PRSS23: variants seen among roughly 807,000 people sequenced by gnomAD.
The protein encoded by PRSS23 is protease, serine 23.
A neutral mutation model predicts 34.7 loss-of-function variants in PRSS23; 25 were observed. The observed-to-expected ratio is 0.72, with a 90% confidence interval of 0.53 to 1.01. PRSS23 has a LOEUF of 1.01. Ranked by LOEUF, PRSS23 falls within the 50% of genes least tolerant of loss-of-function variation. The probability of loss-of-function intolerance (pLI) is 0.00; values close to 1 mark genes in which losing one functional copy is unlikely to be tolerated. For missense variants in PRSS23, 445 were observed against 475.6 expected (o/e 0.94, Z 0.60); for synonymous variants, 176 against 186.6 (o/e 0.94, Z 0.46).
intron 2 of PRSS23, chr11:86,837,582 C>T (rs964948754): frequency 2.0e-5 from 3 of 152,178 alleles, no homozygotes; most frequent in Non-Finnish European, 4.4e-5. Context: ...TCCTGGGCAA[C>T]ATGGTGAAAC....
At position 86,912,217 on chromosome 11, in the gene PRSS23, CATT is replaced by C. The variant is rs142777186; in HGVS notation, c.207-38998_207-38996del. Reference sequence around the variant, plus strand: ...TAGACATAACCATAGGCTTTGTTGTCATTGTTGTTACTGTTGTTTACTACTGAA... The same window carrying C: ...TAGACATAACCATAGGCTTTGTTGTCGTTGTTACTGTTGTTTACTACTGAA... On this transcript the variant is annotated intron_variant, in intron 2 of 2. Coordinates refer to the PRSS23 transcript ENST00000533902. 4.1e-4 allele frequency: 62 copies of C among 152,280 alleles called. 1 individual carries two copies. Among genetic ancestry groups the C allele is most frequent in the African/African-American group, 1.4e-3 (58 of 41,540 alleles). 9.4% of individuals were successfully genotyped at this position (152,280 alleles called of 1,614,324 possible). A position where few individuals can be genotyped will look rare whatever the true frequency, so the allele number is the denominator to read the frequency against.
intron 2 of PRSS23, among the ~76,000 whole-genome samples, chr11:86,863,861 C>A (rs1948632184): frequency 2.0e-5 from 3 of 152,198 alleles, no homozygotes; most frequent in South Asian, 4.1e-4. Flanking sequence ...AGCAAGGCTG[C>A]ATTGTAATTC....
intron 2 of PRSS23, chr11:86,911,263 C>T (rs1408352537): frequency 6.6e-6 from 1 of 151,950 alleles, no homozygotes; most frequent in Non-Finnish European, 1.5e-5. Context: ...TATCCCTTTC[C>T]ACCACATCAC....
At chr11:86,887,164 AG>A (rs1299149567) in intron 2 of PRSS23, among the ~76,000 whole-genome samples, 1 of 152,222 alleles carries the variant, frequency 6.6e-6, no homozygotes, top group Non-Finnish European at 1.5e-5. Flanking sequence ...GACTGACTCC[AG>A]AGCTGTGCTC....
intron 2 of PRSS23, among the ~76,000 whole-genome samples, chr11:86,880,195 A>G (rs2134960284): frequency 6.6e-6 from 1 of 152,220 alleles, no homozygotes; most frequent in South Asian, 2.1e-4. Flanking sequence ...TCAGGGTTAA[A>G]TGGATTAAGG....
intron 2 of PRSS23, among the ~76,000 whole-genome samples, chr11:86,848,532 G>T (rs915281009): frequency 6.6e-6 from 1 of 152,136 alleles, no homozygotes; most frequent in African/African-American, 2.4e-5. Context: ...CATTACCCAG[G>T]GAAAAGAAGA....
intron 2 of PRSS23, among the ~76,000 whole-genome samples, chr11:86,880,965 C>T (rs374107379): frequency 2.4e-4 from 36 of 152,224 alleles, no homozygotes; most frequent in South Asian, 4.1e-4. Flanking sequence ...ATTTTCTGTA[C>T]GCAATATGAT....
downstream of PRSS23, among the ~76,000 whole-genome samples, chr11:86,813,472 A>T (rs141422021): frequency 8.3e-3 from 1,260 of 152,304 alleles, 9 homozygotes; most frequent in Middle Eastern, 0.014. Context: ...GGTCTTTTTA[A>T]TTCATCTTAC....
chr11:86,942,231 G>A (rs1047738746), intron 2 of PRSS23, among the ~76,000 whole-genome samples: 1 of 152,196 alleles, frequency 6.6e-6, no homozygotes, highest in Non-Finnish European at 1.5e-5. Flanking sequence ...TCCCAGGAAA[G>A]ATGACCCAAG....
chr11:86,800,328 C>A (rs1158807834), upstream of PRSS23: 2 of 500,210 alleles, frequency 4.0e-6, no homozygotes, highest in Non-Finnish European at 5.2e-6. Flanking sequence ...GCCACCGGGG[C>A]CCACCTGCGC....
At chr11:86,822,465 C>T (rs1005017298) in intron 1 of PRSS23, among the ~76,000 whole-genome samples, 4 of 151,810 alleles carry the variant, frequency 2.6e-5, no homozygotes, top group Non-Finnish European at 4.4e-5. Context: ...AACACAACAT[C>T]GAAAAATTAG....
intron 2 of PRSS23, chr11:86,892,183 T>A (rs1039930548): frequency 6.6e-6 from 1 of 152,236 alleles, no homozygotes; most frequent in Non-Finnish European, 1.5e-5. Flanking sequence ...GCTATCACTA[T>A]TTGCCTTGTT....
At chr11:86,940,521 C>T (rs1949200406) in intron 2 of PRSS23, among the ~76,000 whole-genome samples, 1 of 152,184 alleles carries the variant, frequency 6.6e-6, no homozygotes, top group Admixed American at 6.5e-5. Flanking sequence ...TGCTTGCCTT[C>T]TTCCCAGCCC....
chr11:86,907,565 T>TC (rs1389548207), intron 2 of PRSS23, among the ~76,000 whole-genome samples: 2 of 152,030 alleles, frequency 1.3e-5, no homozygotes, highest in Non-Finnish European at 2.9e-5. Context: ...GCTCTAGCAG[T>TC]CCCCCCATCT....
In PRSS23 at chr11:86,848,665, G is replaced by T. The variant is rs551751224; in HGVS notation, c.206+25072G>T. On this transcript the variant is annotated intron_variant, in intron 2 of 2. Coordinates refer to the PRSS23 transcript ENST00000533902. ...TAAACTTATCACCTAAGAAGCGGCC[G>T]ATATTAGGAGAAAACTCCAAAGGTC... 3.8e-4 allele frequency among the ~76,000 whole-genome samples: 58 copies of T among 152,290 alleles called. No homozygotes were observed. The South Asian group carries it at 4.4e-3, about 11-fold the overall frequency.
At chr11:86,861,545 G>A (rs2134934596) in intron 2 of PRSS23, among the ~76,000 whole-genome samples, 1 of 152,010 alleles carries the variant, frequency 6.6e-6, no homozygotes, top group East Asian at 1.9e-4. Context: ...CAGTTGGAGA[G>A]GGGATGATAT....
intron 2 of PRSS23, among the ~76,000 whole-genome samples, chr11:86,917,829 T>C (rs752093188): frequency 6.6e-6 from 1 of 152,220 alleles, no homozygotes; most frequent in African/African-American, 2.4e-5. Flanking sequence ...TATAATTGAT[T>C]GCCTATTCAT....
chr11:86,823,186 A>AT, intron 1 of PRSS23: 1 of 591,982 alleles, frequency 1.7e-6, no homozygotes, highest in Non-Finnish European at 3.0e-6. Context: ...AGGATGATAC[A>AT]TACAATTTAT....
chr11:86,882,956 A>C (rs1250010518), intron 2 of PRSS23, among the ~76,000 whole-genome samples: 1 of 152,126 alleles, frequency 6.6e-6, no homozygotes, highest in Non-Finnish European at 1.5e-5. Flanking sequence ...AGGGTCAGTG[A>C]TGTTCAGCTT....
Sources: allele counts gnomAD v4.1 joint callset (sites outside exome capture counted in the v4.1 genomes callset), GRCh38; gene constraint gnomAD v4.1.1; transcripts MANE v1.5; gene names NCBI Gene and HGNC (gene_info 2026-07-23, HGNC 2026-07-21).